UGT1A5: variants seen among roughly 807,000 people sequenced by gnomAD.
UGT1A5 encodes UDP glucuronosyltransferase family 1 member A5.
Under a neutral mutation model 40.3 loss-of-function variants are expected in UGT1A5, and 29 were observed. That is an observed-to-expected ratio of 0.72 (90% confidence interval 0.54 to 0.98). The LOEUF is 0.98. UGT1A5 is among the 50% of genes least tolerant of loss of function. The probability of loss-of-function intolerance (pLI) is 0.00; values close to 1 mark genes in which losing one functional copy is unlikely to be tolerated. For missense variants in UGT1A5, 678 were observed against 677.9 expected (o/e 1.00, Z 0.00); for synonymous variants, 257 against 262.5 (o/e 0.98, Z 0.20).
Position 233,769,475 on chromosome 2 carries a change from G to C in UGT1A5, c.1307+1036G>C. 1.2e-6 allele frequency: 2 copies of C among 1,611,166 alleles called. No individual in the cohort carries two copies. Among genetic ancestry groups the C allele is most frequent in the Non-Finnish European group, 1.7e-6 (2 of 1,178,526 alleles). On this transcript the variant is annotated intron_variant, in intron 4 of 4. Coordinates refer to ENST00000373414, the MANE Select transcript of UGT1A5 (RefSeq NM_019078.2). The surrounding 1 kb of genome is among the most constrained non-coding windows in gnomAD (Gnocchi z 4.4). ...TGTGCATTCATATGCGTGTGTGTGT[G>C]TGTGCGTGTGTTTATGAGAGTGTCC...
intron 1 of UGT1A5, among the ~76,000 whole-genome samples, chr2:233,714,159 T>G (rs1363144328): frequency 6.6e-6 from 1 of 152,178 alleles, no homozygotes; most frequent in Non-Finnish European, 1.5e-5. Flanking sequence ...TGGCTGTGGA[T>G]GTGCTTCAGC....
At chr2:233,766,890 A>G (rs1433588040) in intron 1 of UGT1A5, 144 bp from the exon 2 acceptor site, 1 of 1,467,048 alleles carries the variant, frequency 6.8e-7, no homozygotes, top group Non-Finnish European at 9.0e-7. Flanking sequence ...TAAAACTTAC[A>G]TATTAATAAT....
At chr2:233,716,496 C>T (rs2076507073) in intron 1 of UGT1A5, among the ~76,000 whole-genome samples, 1 of 152,152 alleles carries the variant, frequency 6.6e-6, no homozygotes, top group African/African-American at 2.4e-5. Context: ...TTCTATTCTC[C>T]AGGCTTCAGA....
intron 1 of UGT1A5, among the ~76,000 whole-genome samples, chr2:233,749,553 T>C (rs1486611363): frequency 6.6e-6 from 1 of 151,880 alleles, no homozygotes; most frequent in Non-Finnish European, 1.5e-5. Context: ...AACAGGCTAA[T>C]GTATTCAATA....
At chr2:233,760,234 A>ATG in intron 1 of UGT1A5, 1 of 1,136,914 alleles carries the variant, frequency 8.8e-7, no homozygotes, top group South Asian at 1.5e-5. Context: ...GGTTTTTGCC[A>ATG]TATATATATA....
chr2:233,768,589 T>C (rs1575835871), intron 4 of UGT1A5, 150 bp downstream of exon 4: 6 of 1,048,606 alleles, frequency 5.7e-6, no homozygotes, highest in East Asian at 7.5e-5. Flanking sequence ...CTTCTTTTTT[T>C]TTTTTTTTTT....
At chr2:233,732,918 GA>G (rs2078336060) in intron 1 of UGT1A5, among the ~76,000 whole-genome samples, 1 of 151,996 alleles carries the variant, frequency 6.6e-6, no homozygotes, top group South Asian at 2.1e-4. Flanking sequence ...CCATTTTCAC[GA>G]TATTGATTCT....
chr2:233,737,052 A>T (rs1559381224), intron 1 of UGT1A5, among the ~76,000 whole-genome samples: 1 of 152,244 alleles, frequency 6.6e-6, no homozygotes, highest in Non-Finnish European at 1.5e-5. Flanking sequence ...CCATACTAGG[A>T]GAACGAGTGC....
intron 1 of UGT1A5, among the ~76,000 whole-genome samples, chr2:233,728,333 C>T (rs2077701109): frequency 6.6e-6 from 1 of 152,198 alleles, no homozygotes; most frequent in Admixed American, 6.5e-5. Context: ...CCAGCTCCCC[C>T]AGTCCCTTGG....
chr2:233,760,317 A>T, intron 1 of UGT1A5: 5 of 1,614,016 alleles, frequency 3.1e-6, no homozygotes, highest in Non-Finnish European at 4.2e-6. Context: ...GCGGACGCCC[A>T]CTTGTCCTGG....
At chr2:233,751,205 G>C (rs1471569540) in intron 1 of UGT1A5, among the ~76,000 whole-genome samples, 1 of 151,980 alleles carries the variant, frequency 6.6e-6, no homozygotes, top group East Asian at 1.9e-4. Context: ...TAATTTTGGA[G>C]CTTTAAGATT....
chr2:233,760,293 T>A (rs1359528738), intron 1 of UGT1A5: 1 of 1,613,450 alleles, frequency 6.2e-7, no homozygotes, highest in South Asian at 1.1e-5. Flanking sequence ...GCGCCATGGC[T>A]GTGGAGTCCC....
intron 1 of UGT1A5, among the ~76,000 whole-genome samples, chr2:233,751,702 C>T (rs1485888079): frequency 6.6e-6 from 1 of 152,152 alleles, no homozygotes; most frequent in East Asian, 1.9e-4. Flanking sequence ...AGGGGCTCTT[C>T]CTCCTTCACT....
chr2:233,766,972 C>T, intron 1 of UGT1A5, 62 bp from the exon 2 acceptor site: 2 of 1,611,258 alleles, frequency 1.2e-6, no homozygotes, highest in South Asian at 1.1e-5. Context: ...TCATAACTTA[C>T]TGTATGTAGT....
At chr2:233,764,036 G>T (rs905956037) in intron 1 of UGT1A5, among the ~76,000 whole-genome samples, 5 of 152,136 alleles carry the variant, frequency 3.3e-5, no homozygotes, top group Non-Finnish European at 7.4e-5. Flanking sequence ...TGCTAAAGAA[G>T]AATTCTGGGA....
intron 1 of UGT1A5, among the ~76,000 whole-genome samples, chr2:233,766,746 G>A (rs1202459280): frequency 2.0e-5 from 3 of 152,150 alleles, no homozygotes; most frequent in Non-Finnish European, 4.4e-5. Context: ...GTACAGGTGT[G>A]TGCATGTGTG....
intron 1 of UGT1A5, among the ~76,000 whole-genome samples, chr2:233,761,829 G>C (rs1171169931): frequency 6.6e-6 from 1 of 152,178 alleles, no homozygotes; most frequent in Non-Finnish European, 1.5e-5. Context: ...CCTTCAGATG[G>C]AGCGTTAGGG....
At chr2:233,746,265 C>T (rs187514797) in intron 1 of UGT1A5, among the ~76,000 whole-genome samples, 21 of 151,710 alleles carry the variant, frequency 1.4e-4, no homozygotes, top group Admixed American at 8.5e-4. Context: ...CAGAACAAAA[C>T]GCTGTGGGGA....
At chr2:233,751,762 G>A (rs888611090) in intron 1 of UGT1A5, among the ~76,000 whole-genome samples, 16 of 152,160 alleles carry the variant, frequency 1.1e-4, no homozygotes, top group Non-Finnish European at 2.1e-4. Context: ...TGCCATGTGA[G>A]ACATGACTTT....
Sources: allele counts gnomAD v4.1 joint callset (sites outside exome capture counted in the v4.1 genomes callset), GRCh38; gene constraint gnomAD v4.1.1; non-coding constraint Gnocchi (gnomAD v3.1); transcripts MANE v1.5; gene names NCBI Gene and HGNC (gene_info 2026-07-23, HGNC 2026-07-21).